Variants in ZBTB16 observed in about 807,000 individuals in gnomAD.
The protein encoded by ZBTB16 is zinc finger and BTB domain containing 16, also known as zinc finger and BTB domain-containing protein 16.
ZBTB16 carries 8 observed loss-of-function variants against 56.8 expected under a neutral mutation model. The ratio of observed to expected loss-of-function variants is 0.14; its 90% CI spans 0.08 to 0.25. ZBTB16 has a LOEUF of 0.25. Among genes scored for constraint, ZBTB16 ranks in the 10% least tolerant of loss-of-function variants. The probability of loss-of-function intolerance (pLI) is 1.00; values close to 1 mark genes in which losing one functional copy is unlikely to be tolerated. For synonymous variants in ZBTB16, 363 were observed against 368.5 expected, an observed-to-expected ratio of 0.98 and a Z score of 0.17; for missense variants, 625 against 903.0, an observed-to-expected ratio of 0.69 and a Z score of 3.95.
In ZBTB16 at chr11:114,250,666, G is replaced by A; in HGVS notation, c.*111G>A. ...AAGGAAAAGAAAAAAAAAAACAGAA[G>A]GAAAAGGAAACCTGGTAGCTTTTTG... On this transcript the variant is annotated 3_prime_UTR_variant, in exon 7 of 7. Transcript: ENST00000335953. This position sits in a 1 kb window ranked among gnomAD's most constrained non-coding sequence, Gnocchi z 6.0. The A allele has an allele frequency of 4.8e-6, 6 of 1,262,886 alleles. No homozygotes were observed. Among genetic ancestry groups the A allele is most frequent in the Non-Finnish European group, 6.6e-6 (6 of 910,258 alleles). 78.2% of individuals were successfully genotyped at this position (1,262,886 alleles called of 1,614,324 possible).
At chr11:114,107,408 G>A (rs1053048881) in intron 2 of ZBTB16, among the ~76,000 whole-genome samples, 4 of 152,078 alleles carry the variant, frequency 2.6e-5, no homozygotes, top group Admixed American at 2.0e-4. Context: ...CTTGTGTTCC[G>A]TCCTCCCCAG....
At chr11:114,072,477 A>C (rs963108149) in intron 2 of ZBTB16, among the ~76,000 whole-genome samples, 1 of 152,192 alleles carries the variant, frequency 6.6e-6, no homozygotes, top group African/African-American at 2.4e-5. Context: ...AGAGATGAAG[A>C]GCACAGATAC....
Position 114,254,956 on chromosome 11 carries a change from TC to T in ZBTB16, c.*4405del. Among the ~76,000 whole-genome samples, 1 of 152,280 alleles carries T rather than the reference TC, an allele frequency of 6.6e-6. No homozygotes were observed. The highest frequency in any genetic ancestry group is 1.9e-4 in the East Asian group (1 of 5,176). On this transcript the variant is annotated 3_prime_UTR_variant, in exon 7 of 7. Transcript: ENST00000335953. ...GGCCGGTTAGCCAGCAGCTGCGGCCTCCCCGGGCCCTTGGCATCCAACTTCG... is the reference window on the plus strand; with the variant it reads ...GGCCGGTTAGCCAGCAGCTGCGGCCTCCCGGGCCCTTGGCATCCAACTTCG...
intron 4 of ZBTB16, among the ~76,000 whole-genome samples, chr11:114,203,251 C>G (rs915082065): frequency 6.6e-6 from 1 of 152,168 alleles, no homozygotes; most frequent in African/African-American, 2.4e-5. Flanking sequence ...ATGTTCAGAA[C>G]AGAGAGCTCT....
chr11:114,109,970 T>C (rs1940943100), intron 2 of ZBTB16, among the ~76,000 whole-genome samples: 1 of 152,144 alleles, frequency 6.6e-6, no homozygotes, highest in Admixed American at 6.5e-5. Flanking sequence ...GGAGGACTTC[T>C]GGAAGGAGCC....
chr11:114,199,916 C>G (rs1306408516), intron 4 of ZBTB16, among the ~76,000 whole-genome samples: 6 of 152,086 alleles, frequency 3.9e-5, no homozygotes, highest in African/African-American at 1.4e-4. Flanking sequence ...ATCATGAGGT[C>G]AGGAGATCAA....
At chr11:114,204,854 G>A (rs1943819863) in intron 4 of ZBTB16, among the ~76,000 whole-genome samples, 1 of 152,124 alleles carries the variant, frequency 6.6e-6, no homozygotes, top group African/African-American at 2.4e-5. Context: ...TTCCCTTTTG[G>A]TTTTCTCTAG....
intron 2 of ZBTB16, among the ~76,000 whole-genome samples, chr11:114,131,040 G>T (rs1941645270): frequency 6.6e-6 from 1 of 152,206 alleles, no homozygotes; most frequent in Non-Finnish European, 1.5e-5. Flanking sequence ...ACGAGGGCCG[G>T]TATTTTGGTT....
intron 2 of ZBTB16, among the ~76,000 whole-genome samples, chr11:114,102,332 AG>A (rs1324468463): frequency 1.6e-4 from 25 of 152,108 alleles, no homozygotes; most frequent in African/African-American, 6.0e-4. Context: ...CTGGGGGTTG[AG>A]GCTGCTGAAC....
intron 4 of ZBTB16, among the ~76,000 whole-genome samples, chr11:114,193,020 G>A (rs1943534067): frequency 6.6e-6 from 1 of 152,220 alleles, no homozygotes; most frequent in Admixed American, 6.5e-5. Context: ...TGTGTGCCTG[G>A]CACCTGCTGG....
rs1385151120 is a variant in ZBTB16 at position 114,254,411 on chromosome 11, A to T, written c.*3856A>T. Among the ~76,000 whole-genome samples, 1 of 152,160 alleles carries T rather than the reference A, an allele frequency of 6.6e-6. No individual in the cohort carries two copies. The highest frequency in any genetic ancestry group is 1.5e-5 in the Non-Finnish European group (1 of 68,032). ...CCATGTTGAGAAAAAAAAGAAAAAA[A>T]AACTGCTGCAATTTTTCACAAGTGT... is the stretch of plus-strand genomic sequence containing the variant. On this transcript the variant is annotated 3_prime_UTR_variant, in exon 7 of 7. Coordinates refer to ENST00000335953, the MANE Select transcript of ZBTB16 (RefSeq NM_006006.6).
intron 2 of ZBTB16, among the ~76,000 whole-genome samples, chr11:114,068,218 G>A (rs897688): frequency 0.65 from 98,386 of 151,958 alleles, 32,320 homozygotes; most frequent in Middle Eastern, 0.74. Context: ...ATACCCAGCA[G>A]TCCTTCTTGC....
chr11:114,242,408 T>C, intron 5 of ZBTB16, 71 bp downstream of exon 5: 1 of 1,578,486 alleles, frequency 6.3e-7, no homozygotes, highest in African/African-American at 1.3e-5. Flanking sequence ...TCCAAGGACG[T>C]AAAGTGGAGG....
rs970298838 is a variant in ZBTB16 at position 114,201,086 on chromosome 11, T to A, written c.1453+14048T>A. Among the ~76,000 whole-genome samples, 6 of 152,326 alleles carry A rather than the reference T, an allele frequency of 3.9e-5. No individual in the cohort carries two copies. In the South Asian group the frequency reaches 1.2e-3, roughly 32 times the overall value. On this transcript the variant is annotated intron_variant, in intron 4 of 6. Coordinates refer to ENST00000335953, the MANE Select transcript of ZBTB16 (RefSeq NM_006006.6). The stretch of plus-strand genomic sequence containing the variant: ...CTATCGCTTTCTGCTCCACCATTGA[T>A]GTTTACTGTCAGCGGGATGGAATCT...
chr11:114,139,323 A>G (rs573514630), intron 2 of ZBTB16, among the ~76,000 whole-genome samples: 1 of 152,082 alleles, frequency 6.6e-6, no homozygotes, highest in South Asian at 2.1e-4. Context: ...CTGGCATCTC[A>G]TGACTTCCTG....
chr11:114,075,739 G>T (rs1939538112), intron 2 of ZBTB16, among the ~76,000 whole-genome samples: 1 of 151,916 alleles, frequency 6.6e-6, no homozygotes, highest in Admixed American at 6.6e-5. Context: ...CTAAAGTGCT[G>T]GGATTATAGG....
At chr11:114,068,565 T>G (rs1939212947) in intron 2 of ZBTB16, among the ~76,000 whole-genome samples, 4 of 152,166 alleles carry the variant, frequency 2.6e-5, no homozygotes, top group Admixed American at 2.6e-4. Context: ...GGGACTGACT[T>G]ACCTAAACAA....
intron 3 of ZBTB16, among the ~76,000 whole-genome samples, chr11:114,179,196 C>T (rs1027116110): frequency 6.6e-6 from 1 of 152,156 alleles, no homozygotes; most frequent in South Asian, 2.1e-4. Context: ...TCCCTCTTCC[C>T]TGAATCTGTG....
chr11:114,247,262 C>A lies in ZBTB16; in HGVS notation c.1689C>A (p.Ser563Arg), dbSNP rs370528130. 1 of 1,614,128 alleles carries A rather than the reference C, an allele frequency of 6.2e-7. No homozygotes were observed. The highest frequency in any genetic ancestry group is 1.3e-5 in the African/African-American group (1 of 74,940). ...TCCGGGATGAGAGCACACTCAAGAG[C>A]CACAAACGCATCCACACGGGTGAGA... ...SCFRDESTLK[S>R]HKRIHTGEKP... Residue 563 changes from serine to arginine, a missense_variant, in exon 6 of 7, where the codon AGC becomes AGA. This residue lies in a region of ZBTB16 where 140 missense variants were observed against 214.8 expected (regional missense o/e 0.65). Coordinates refer to ENST00000335953, the MANE Select transcript of ZBTB16 (RefSeq NM_006006.6).
Sources: allele counts gnomAD v4.1 joint callset (sites outside exome capture counted in the v4.1 genomes callset), GRCh38; gene constraint gnomAD v4.1.1; regional missense constraint gnomAD v4.1.1; non-coding constraint Gnocchi (gnomAD v3.1); transcripts MANE v1.5; gene names NCBI Gene and HGNC (gene_info 2026-07-23, HGNC 2026-07-21).